The following AUTS2 variants were observed in gnomAD, a reference collection of about 807,000 sequenced individuals.
AUTS2 encodes autism susceptibility gene 2 protein.
In AUTS2, 17 loss-of-function variants were observed where a neutral mutation model predicts 112.4. The observed-to-expected ratio is 0.15, with a 90% CI of 0.10 to 0.23. The LOEUF (loss-of-function observed/expected upper bound fraction) is 0.23, where lower values mean the gene tolerates loss of function less well. AUTS2 is among the 10% of genes least tolerant of loss of function. AUTS2 has a pLI of 1.00. For synonymous variants in AUTS2, 751 were observed against 702.7 expected, an observed-to-expected ratio of 1.07 and a Z score of -1.09; for missense variants, 1,510 against 1,701.6, an observed-to-expected ratio of 0.89 and a Z score of 1.98.
intron 1 of AUTS2, among the ~76,000 whole-genome samples, chr7:69,690,348 C>T (rs982821713): frequency 6.6e-6 from 1 of 152,144 alleles, no homozygotes; most frequent in Non-Finnish European, 1.5e-5. Flanking sequence ...GTCACTTTTC[C>T]AGCTGGAAAC....
intron 5 of AUTS2, among the ~76,000 whole-genome samples, chr7:70,486,470 C>G (rs888579840): frequency 3.9e-5 from 6 of 152,212 alleles, no homozygotes; most frequent in African/African-American, 1.4e-4. Context: ...GGCACGGTGG[C>G]TCACGCCTGT....
Position 70,132,164 on chromosome 7 carries a change from TAAAAAAAA to T in AUTS2, c.625-2355_625-2348del, listed in dbSNP as rs200482728. Among the ~76,000 whole-genome samples the T allele has an allele frequency of 9.7e-3, 990 of 102,566 alleles. 10 individuals carry two copies. The highest frequency in any genetic ancestry group is 0.07 in the East Asian group (257 of 3,688). 67.3% of individuals were successfully genotyped at this position (102,566 alleles called of 152,430 possible). ...ACTGAATACCATGCATCTTTTCCCT[TAAAAAAAA>T]AAAAAAAAAAAAAAAAGAGTACAGT... is the stretch of plus-strand genomic sequence containing the variant. On this transcript the variant is annotated intron_variant, in intron 3 of 18. Coordinates refer to ENST00000342771, the MANE Select transcript of AUTS2 (RefSeq NM_015570.4).
At chr7:70,004,696 A>G (rs1308769288) in intron 2 of AUTS2, among the ~76,000 whole-genome samples, 1 of 151,724 alleles carries the variant, frequency 6.6e-6, no homozygotes, top group Non-Finnish European at 1.5e-5. Context: ...GGCCGGGTGC[A>G]GTAGTTCATG....
At chr7:70,524,455 G>A (rs764450569) in intron 5 of AUTS2, among the ~76,000 whole-genome samples, 3 of 152,168 alleles carry the variant, frequency 2.0e-5, no homozygotes, top group Non-Finnish European at 4.4e-5. Flanking sequence ...TATTTATCTT[G>A]TTCTAATTAG....
chr7:70,434,975 A>C (rs1334655522), intron 4 of AUTS2, among the ~76,000 whole-genome samples: 4 of 152,068 alleles, frequency 2.6e-5, no homozygotes, highest in African/African-American at 9.7e-5. Flanking sequence ...TATCATGAGG[A>C]TCCCAAAGAC....
At chr7:69,634,815 C>T (rs1045242294) in intron 1 of AUTS2, among the ~76,000 whole-genome samples, 3 of 152,168 alleles carry the variant, frequency 2.0e-5, no homozygotes, top group Non-Finnish European at 4.4e-5. Flanking sequence ...GTCCTGAATT[C>T]CAGCTGCTGC....
At chr7:70,064,981 C>T (rs765188054) in intron 2 of AUTS2, among the ~76,000 whole-genome samples, 3 of 152,076 alleles carry the variant, frequency 2.0e-5, no homozygotes, top group Non-Finnish European at 2.9e-5. Flanking sequence ...CAATAGTAGG[C>T]GCTCATCAAT....
intron 1 of AUTS2, among the ~76,000 whole-genome samples, chr7:69,792,397 G>A (rs1259458833): frequency 2.0e-5 from 3 of 151,672 alleles, no homozygotes; most frequent in African/African-American, 7.3e-5. Context: ...CCACCATCAC[G>A]CCCAACTAAT....
intron 4 of AUTS2, among the ~76,000 whole-genome samples, chr7:70,137,070 T>C (rs939030105): frequency 6.6e-6 from 1 of 152,228 alleles, no homozygotes; most frequent in Non-Finnish European, 1.5e-5. Context: ...GAAGCCTTTG[T>C]TTTTGATCTG....
At chr7:70,091,495 A>G (rs1403835863) in intron 2 of AUTS2, among the ~76,000 whole-genome samples, 2 of 152,216 alleles carry the variant, frequency 1.3e-5, no homozygotes, top group African/African-American at 4.8e-5. Flanking sequence ...GTCATATAAA[A>G]GTTACTACCA....
chr7:70,314,857 T>A (rs1296224069), intron 4 of AUTS2, among the ~76,000 whole-genome samples: 2 of 152,226 alleles, frequency 1.3e-5, no homozygotes, highest in Non-Finnish European at 2.9e-5. Flanking sequence ...GTCACATCAG[T>A]CATTCCTTTC....
intron 1 of AUTS2, among the ~76,000 whole-genome samples, chr7:69,812,777 C>A (rs982623666): frequency 6.6e-6 from 1 of 152,072 alleles, no homozygotes; most frequent in Non-Finnish European, 1.5e-5. Flanking sequence ...AGTTAACAAG[C>A]ACTGAGGGCT....
chr7:70,139,370 A>C (rs1806734388), intron 4 of AUTS2, among the ~76,000 whole-genome samples: 1 of 152,194 alleles, frequency 6.6e-6, no homozygotes, highest in Non-Finnish European at 1.5e-5. Context: ...TTGCGGCTGC[A>C]ACATTTATCT....
chr7:70,488,586 G>C (rs987040400), intron 5 of AUTS2, among the ~76,000 whole-genome samples: 13 of 152,148 alleles, frequency 8.5e-5, no homozygotes, highest in African/African-American at 2.7e-4. Flanking sequence ...GCCTTAATGG[G>C]CCTCTTTTTC....
intron 5 of AUTS2, among the ~76,000 whole-genome samples, chr7:70,583,757 G>A (rs769585979): frequency 2.6e-5 from 4 of 152,300 alleles, no homozygotes; most frequent in African/African-American, 9.6e-5. Context: ...CCTTCTGGGC[G>A]AGCCTTTCTT....
At chr7:70,731,808 A>G (rs901514776) in intron 6 of AUTS2, among the ~76,000 whole-genome samples, 1 of 151,050 alleles carries the variant, frequency 6.6e-6, no homozygotes, top group Non-Finnish European at 1.5e-5. Context: ...CCCCTCCGCC[A>G]TCCCCCCCGC....
intron 4 of AUTS2, among the ~76,000 whole-genome samples, chr7:70,164,597 G>A (rs1443161188): frequency 6.6e-6 from 1 of 152,010 alleles, no homozygotes; most frequent in African/African-American, 2.4e-5. Context: ...GAATCTTCTA[G>A]ACTCACAAAA....
intron 4 of AUTS2, among the ~76,000 whole-genome samples, chr7:70,286,753 T>A (rs1788478991): frequency 1.3e-5 from 2 of 152,186 alleles, no homozygotes; most frequent in African/African-American, 4.8e-5. Flanking sequence ...ATAGGTTATT[T>A]CCAAAATCTT....
intron 4 of AUTS2, among the ~76,000 whole-genome samples, chr7:70,424,020 C>T (rs1277106138): frequency 1.3e-5 from 2 of 152,200 alleles, no homozygotes; most frequent in African/African-American, 2.4e-5. Context: ...GTCTTTCTGG[C>T]TGCTTTCACA....
Sources: allele counts gnomAD v4.1 joint callset (sites outside exome capture counted in the v4.1 genomes callset), GRCh38; gene constraint gnomAD v4.1.1; transcripts MANE v1.5; gene names NCBI Gene and HGNC (gene_info 2026-07-23, HGNC 2026-07-21).